TGM7: variants seen among roughly 807,000 people sequenced by gnomAD.
TGM7 encodes transglutaminase 7.
In TGM7, 74 loss-of-function variants were observed where a neutral mutation model predicts 79.5. The ratio of observed to expected loss-of-function variants is 0.93; its 90% CI spans 0.77 to 1.13. The LOEUF (loss-of-function observed/expected upper bound fraction) is 1.13, where lower values mean the gene tolerates loss of function less well. Among genes scored for constraint, TGM7 ranks in the 50% most tolerant of loss-of-function variants. TGM7 has a pLI of 0.00. For synonymous variants in TGM7, 354 were observed against 362.5 expected (o/e 0.98, Z 0.27); for missense variants, 912 against 905.9 (o/e 1.01, Z -0.09).
intron 1 of TGM7, 112 bp from the exon 2 acceptor site, chr15:43,293,743 G>A: frequency 1.1e-5 from 1 of 91,604 alleles, no homozygotes; most frequent in South Asian, 4.9e-4. Flanking sequence ...GGGCGTGCGG[G>A]GGGTAGGTGG....
At chr15:43,276,708 C>G in intron 12 of TGM7, 94 bp from the exon 13 acceptor site, 1 of 1,542,478 alleles carries the variant, frequency 6.5e-7, no homozygotes, top group Non-Finnish European at 8.7e-7. Context: ...GAGGCTCCCA[C>G]TCACCACCAC....
rs533053487 is a variant in TGM7, at chr15:43,298,033, G to C, written c.10+4208C>G. Among the ~76,000 whole-genome samples the C allele has an allele frequency of 5.3e-5, 8 of 152,364 alleles. 1 individual carries two copies. The South Asian group carries it at 1.7e-3, about 32-fold the overall frequency. On this transcript the variant is annotated intron_variant, in intron 1 of 12. Coordinates refer to ENST00000452443, the MANE Select transcript of TGM7 (RefSeq NM_052955.3). ...ACTTACCAATGCCCGGCATTGTTTA[G>C]AGCATTTTACATGTCTGAAAGAATT...
At chr15:43,277,225 AC>A (rs2042882752) in intron 11 of TGM7, among the ~76,000 whole-genome samples, 1 of 152,234 alleles carries the variant, frequency 6.6e-6, no homozygotes, top group Admixed American at 6.5e-5. Context: ...AGCAGTTGCC[AC>A]CAAGCTGAAA....
chr15:43,284,827 G>A lies in TGM7; in HGVS notation c.991C>T (p.Arg331Ter), dbSNP rs1431242330. 3 of 1,614,128 alleles carry A rather than the reference G, an allele frequency of 1.9e-6. No individual in the cohort carries two copies. Among genetic ancestry groups the A allele is most frequent in the South Asian group, 1.1e-5 (1 of 91,082 alleles). The change falls in exon 7 of 13, where the codon CGA becomes TGA. Residue 331 changes from arginine to a stop codon, truncating the protein, a stop_gained. Coordinates refer to ENST00000452443, the MANE Select transcript of TGM7 (RefSeq NM_052955.3). LOFTEE classifies it high-confidence loss of function. ...RNAEMLSTQK[R>*]DKIWNFHVWN... ...AGTGCCTCTCACCATATTTTGTCTCGTTTCTGAGTTGACAGCATCTCGGCA... is the reference window on the plus strand; with the variant it reads ...AGTGCCTCTCACCATATTTTGTCTCATTTCTGAGTTGACAGCATCTCGGCA...
Position 43,276,913 on chromosome 15 carries a change from C to A in TGM7, c.1922G>T (p.Cys641Phe), listed in dbSNP as rs778176537. 2.5e-6 allele frequency: 4 copies of A among 1,614,174 alleles called. No individual in the cohort carries two copies. Among genetic ancestry groups the A allele is most frequent in the East Asian group, 2.2e-5 (1 of 44,886 alleles). Residue 641 changes from cysteine to phenylalanine, a missense_variant, in exon 12 of 13, where the codon TGC (cysteine) becomes TTC (phenylalanine). Physicochemically the swap from Cys to Phe is radical, Grantham distance 205. Transcript: ENST00000452443. ...TNTLMVALSS[C>F]TMVLEGSGLI... ...GCCGCTTCCTTCCAGCACCATCGTG[C>A]AGCTGCTCAGAGCCACCATTAAGGT... is the stretch of plus-strand genomic sequence containing the variant.
chr15:43,277,411 C>A (rs984247367), intron 11 of TGM7, among the ~76,000 whole-genome samples: 1 of 152,190 alleles, frequency 6.6e-6, no homozygotes, highest in Non-Finnish European at 1.5e-5. Flanking sequence ...GTGTGTGCCA[C>A]CCATGTGCCA....
At chr15:43,294,996 G>A (rs1444128385) in intron 1 of TGM7, among the ~76,000 whole-genome samples, 1 of 151,814 alleles carries the variant, frequency 6.6e-6, no homozygotes, top group African/African-American at 2.4e-5. Flanking sequence ...CTTCATTCTG[G>A]GCTCAAGTGA....
chr15:43,286,302 G>A (rs1404613470), intron 6 of TGM7, among the ~76,000 whole-genome samples: 1 of 152,166 alleles, frequency 6.6e-6, no homozygotes, highest in African/African-American at 2.4e-5. Flanking sequence ...GCTTGGAAAT[G>A]GAGCAGGGTG....
Position 43,279,899 on chromosome 15 carries a change from GC to G in TGM7, c.1403del (p.Gly468AlafsTer86). On this transcript the variant is annotated frameshift_variant, in exon 10 of 13. Coordinates refer to ENST00000452443, the MANE Select transcript of TGM7 (RefSeq NM_052955.3). LOFTEE classifies it high-confidence loss of function. ...VFMKASRKML[G>X]PQRASLPFLD... is the part of the protein sequence containing the mutation. Reference sequence around the variant, plus strand: ...GGAAGGGCAAAGAAGCTCTTTGGGGGCCCAGCATTTTCCGAGAAGCCTTCAT... The same window carrying G: ...GGAAGGGCAAAGAAGCTCTTTGGGGGCCAGCATTTTCCGAGAAGCCTTCAT... The G allele has an allele frequency of 1.9e-6, 3 of 1,614,176 alleles. No individual in the cohort carries two copies. Among genetic ancestry groups the G allele is most frequent in the East Asian group, 4.5e-5 (2 of 44,878 alleles).
rs775336152 is a variant in TGM7, at chr15:43,293,439, G to A, written c.193+10C>T. On this transcript the variant is annotated intron_variant, in intron 2 of 12. Transcript: ENST00000452443. ...GGAACCTGCGGGGCCTTGGGACAGGGCAAACTCACCGGTCTCAGCCACAAA... is the reference window on the plus strand; with the variant it reads ...GGAACCTGCGGGGCCTTGGGACAGGACAAACTCACCGGTCTCAGCCACAAA... The A allele has an allele frequency of 1.1e-5, 18 of 1,591,538 alleles. No individual in the cohort carries two copies. Among genetic ancestry groups the A allele is most frequent in the South Asian group, 2.2e-5 (2 of 89,310 alleles).
chr15:43,277,038 G>C, intron 11 of TGM7, 43 bp from the exon 12 acceptor site: 1 of 1,603,310 alleles, frequency 6.2e-7, no homozygotes, highest in Non-Finnish European at 8.5e-7. Flanking sequence ...AACTGGCCTC[G>C]CTTCTGCACT....
chr15:43,296,625 C>G (rs1566847705), intron 1 of TGM7, among the ~76,000 whole-genome samples: 1 of 152,084 alleles, frequency 6.6e-6, no homozygotes, highest in South Asian at 2.1e-4. Flanking sequence ...CAGGAGGGAA[C>G]AGGACTCAGG....
At chr15:43,284,722 G>T in intron 7 of TGM7, 92 bp downstream of exon 7, 1 of 1,463,594 alleles carries the variant, frequency 6.8e-7, no homozygotes, top group Non-Finnish European at 9.5e-7. Context: ...GGGCAATCTT[G>T]CAATATTTCC....
chr15:43,287,578 T>C lies in TGM7; in HGVS notation c.650A>G (p.Asn217Ser), dbSNP rs143243641. 5.6e-6 allele frequency: 9 copies of C among 1,614,188 alleles called. No homozygotes were observed. The highest frequency in any genetic ancestry group is 7.6e-6 in the Non-Finnish European group (9 of 1,180,034). The change falls in exon 5 of 13, where the codon AAC becomes AGC. Residue 217 changes from asparagine to serine, a missense_variant. By Grantham distance (46) the Asn-to-Ser change is conservative. Coordinates refer to ENST00000452443, the MANE Select transcript of TGM7 (RefSeq NM_052955.3). ...KNPAKDCSQR[N>S]DVVYVCRVVS... ...CACCCTGCACACATACACCACGTCG[T>C]TCCGCTGGGAACAGTCTTTGGCCGG...
intron 2 of TGM7, among the ~76,000 whole-genome samples, 154 bp from the exon 3 acceptor site, chr15:43,293,108 C>A (rs1437005152): frequency 6.6e-6 from 1 of 152,154 alleles, no homozygotes; most frequent in Admixed American, 6.5e-5. Context: ...CCATTTAAGA[C>A]CCCCAGGCCT....
Position 43,292,841 on chromosome 15 carries a change from C to G in TGM7, c.307G>C (p.Val103Leu), listed in dbSNP as rs149443794. Residue 103 changes from valine (V) to leucine (L), a missense_variant, in exon 3 of 13, where the codon GTT becomes CTT. Coordinates refer to ENST00000452443, the MANE Select transcript of TGM7 (RefSeq NM_052955.3). ...GCATTGGCTGGTGTGAAAAGGGAAA[C>G]TTGGAGAGAGTTGGAGTCAATGGTG... is the stretch of plus-strand genomic sequence containing the variant. ...DFTIDSNSLQ[V>L]SLFTPANAVI... 16,914 of 1,614,030 alleles carry G rather than the reference C, an allele frequency of 0.01. 135 individuals carry two copies. The highest frequency in any genetic ancestry group is 0.011 in the South Asian group (1,025 of 91,078).
At chr15:43,299,681 A>G (rs1439402396) in intron 1 of TGM7, among the ~76,000 whole-genome samples, 1 of 152,220 alleles carries the variant, frequency 6.6e-6, no homozygotes, top group African/African-American at 2.4e-5. Flanking sequence ...AGCTCCTTCC[A>G]TTCTTCTGTC....
Position 43,292,801 on chromosome 15 carries a change from T to A in TGM7, c.347A>T (p.Tyr116Phe). Residue 116 changes from tyrosine (Y) to phenylalanine (F), a missense_variant, in exon 3 of 13, where the codon TAC becomes TTC. Coordinates refer to ENST00000452443, the MANE Select transcript of TGM7 (RefSeq NM_052955.3). ...CTGAGAGATCTCTATTTTCAGAGTG[T>A]AATGGCCAATAACTGCATTGGCTGG... Reference protein sequence around the residue: ...FTPANAVIGHYTLKIEISQGQ... With the variant: ...FTPANAVIGHFTLKIEISQGQ... 1 of 1,614,170 alleles carries A rather than the reference T, an allele frequency of 6.2e-7. No individual in the cohort carries two copies. The highest frequency in any genetic ancestry group is 1.1e-5 in the South Asian group (1 of 91,086).
intron 11 of TGM7, among the ~76,000 whole-genome samples, chr15:43,277,687 C>T (rs1185752021): frequency 6.6e-6 from 1 of 152,168 alleles, no homozygotes; most frequent in Admixed American, 6.5e-5. Context: ...TCTGGAGCCC[C>T]TGGGCCTAGA....
Sources: allele counts gnomAD v4.1 joint callset (sites outside exome capture counted in the v4.1 genomes callset), GRCh38; gene constraint gnomAD v4.1.1; transcripts MANE v1.5; gene names NCBI Gene and HGNC (gene_info 2026-07-23, HGNC 2026-07-21).